The following QTMAN variants were observed in gnomAD, a reference collection of about 807,000 sequenced individuals.
QTMAN encodes the protein tRNA-queuosine alpha-mannosyltransferase.
At chr2:144,165,945 A>G in the QTMAN span, among the ~76,000 whole-genome samples, 2 of 152,136 alleles carry the variant, frequency 1.3e-5, no homozygotes, top group Admixed American at 6.5e-5. Flanking sequence ...ATCTTATTTC[A>G]AAGTCTACCT....
At chr2:144,313,882 A>T in the QTMAN span, among the ~76,000 whole-genome samples, 1 of 151,956 alleles carries the variant, frequency 6.6e-6, no homozygotes, top group Non-Finnish European at 1.5e-5. Flanking sequence ...CATTTAGTAC[A>T]AACCAATATT....
chr2:144,102,406 A>G, the QTMAN span, among the ~76,000 whole-genome samples: 1 of 152,214 alleles, frequency 6.6e-6, no homozygotes. Context: ...TGTGTTTAAA[A>G]AAAGTTTTAT....
the QTMAN span, among the ~76,000 whole-genome samples, chr2:144,264,629 C>T: frequency 2.6e-5 from 4 of 152,134 alleles, no homozygotes; most frequent in African/African-American, 7.2e-5. Flanking sequence ...ATGGGAAATA[C>T]GGGTGAGGCT....
At chr2:144,221,336 T>A in the QTMAN span, among the ~76,000 whole-genome samples, 2 of 152,032 alleles carry the variant, frequency 1.3e-5, no homozygotes, top group Non-Finnish European at 2.9e-5. Context: ...TTAAAAACAA[T>A]CAAAATATCC....
the QTMAN span, among the ~76,000 whole-genome samples, chr2:143,995,260 G>A: frequency 2.0e-5 from 3 of 152,094 alleles, no homozygotes; most frequent in African/African-American, 7.2e-5. Context: ...GTATGTACTT[G>A]TTTTGGGTAG....
At chr2:144,132,790 A>G in the QTMAN span, among the ~76,000 whole-genome samples, 1 of 151,890 alleles carries the variant, frequency 6.6e-6, no homozygotes, top group Admixed American at 6.6e-5. Flanking sequence ...GCCGATCAAT[A>G]GATAACAAAA....
At chr2:144,198,464 G>A in the QTMAN span, among the ~76,000 whole-genome samples, 4 of 152,236 alleles carry the variant, frequency 2.6e-5, no homozygotes, top group East Asian at 1.9e-4. Flanking sequence ...AGAGGTACTC[G>A]CAGATAATGC....
the QTMAN span, among the ~76,000 whole-genome samples, chr2:144,047,567 T>C: frequency 3.3e-5 from 5 of 152,176 alleles, no homozygotes; most frequent in Admixed American, 2.6e-4. Context: ...CCTACCTACC[T>C]ACCTCTCTAA....
chr2:144,012,792 T>C, the QTMAN span, among the ~76,000 whole-genome samples: 4 of 152,078 alleles, frequency 2.6e-5, no homozygotes, highest in African/African-American at 7.2e-5. Flanking sequence ...AATTAATTAG[T>C]GTATGATTAA....
At chr2:144,234,396 C>G in the QTMAN span, among the ~76,000 whole-genome samples, 1 of 152,012 alleles carries the variant, frequency 6.6e-6, no homozygotes, top group East Asian at 1.9e-4. Flanking sequence ...GACCTTTTTT[C>G]TTTCTAATGC....
At chr2:144,142,846 C>T in the QTMAN span, among the ~76,000 whole-genome samples, 2 of 151,884 alleles carry the variant, frequency 1.3e-5, no homozygotes, top group South Asian at 2.1e-4. Context: ...AATACCAGTC[C>T]GCAACAACAA....
the QTMAN span, among the ~76,000 whole-genome samples, chr2:143,990,614 G>C: frequency 1.3e-5 from 2 of 152,098 alleles, no homozygotes; most frequent in Admixed American, 6.6e-5. Context: ...TCTCACACTG[G>C]GCTGGTAGCT....
At chr2:144,174,856 T>C in the QTMAN span, among the ~76,000 whole-genome samples, 1 of 152,180 alleles carries the variant, frequency 6.6e-6, no homozygotes, top group South Asian at 2.1e-4. Context: ...TTTTTCTTTA[T>C]AAATTACCCA....
At chr2:144,177,266 A>AAC in the QTMAN span, 4 of 662,018 alleles carry the variant, frequency 6.0e-6, no homozygotes, top group Non-Finnish European at 8.1e-6. Context: ...AAAAAAAAAA[A>AAC]CATTGTTTTT....
the QTMAN span, among the ~76,000 whole-genome samples, chr2:144,318,192 T>C: frequency 1.7e-5 from 2 of 121,098 alleles, no homozygotes; most frequent in Admixed American, 1.6e-4. Flanking sequence ...TCTATTTAAA[T>C]AAACACACAC....
the QTMAN span, among the ~76,000 whole-genome samples, chr2:143,950,071 A>G: frequency 6.6e-6 from 1 of 151,824 alleles, no homozygotes; most frequent in Non-Finnish European, 1.5e-5. Flanking sequence ...TTACAGATTT[A>G]TAAGAGAAAA....
chr2:144,028,315 G>A, the QTMAN span, among the ~76,000 whole-genome samples: 1 of 152,182 alleles, frequency 6.6e-6, no homozygotes, highest in Non-Finnish European at 1.5e-5. Flanking sequence ...GTTGCAAAAT[G>A]AAGGTTATTG....
chr2:144,020,939 T>C, the QTMAN span, among the ~76,000 whole-genome samples: 1 of 149,738 alleles, frequency 6.7e-6, no homozygotes, highest in Non-Finnish European at 1.5e-5. Flanking sequence ...ATGGAAGGGC[T>C]GAATGATAAA....
chr2:144,118,151 A>G, the QTMAN span, among the ~76,000 whole-genome samples: 8 of 152,054 alleles, frequency 5.3e-5, no homozygotes, highest in African/African-American at 1.9e-4. Flanking sequence ...GTACACTAAC[A>G]TTTTTAAAAC....
Sources: allele counts gnomAD v4.1 joint callset (sites outside exome capture counted in the v4.1 genomes callset), GRCh38; gene constraint gnomAD v4.1.1; transcripts MANE v1.5; gene names NCBI Gene and HGNC (gene_info 2026-07-23, HGNC 2026-07-21).